The following TBC1D9 variants were observed in gnomAD, a reference collection of about 807,000 sequenced individuals.
TBC1D9 encodes TBC1 domain family member 9.
In TBC1D9, 63 loss-of-function variants were observed where a neutral mutation model predicts 132.0. The ratio of observed to expected loss-of-function variants is 0.48; its 90% CI spans 0.39 to 0.59. The LOEUF is 0.59. TBC1D9 is among the 20% of genes least tolerant of loss of function. The probability of loss-of-function intolerance (pLI) is 0.00; values close to 1 mark genes in which losing one functional copy is unlikely to be tolerated. For missense variants in TBC1D9, 1,261 were observed against 1,592.7 expected (o/e 0.79, Z 3.54); for synonymous variants, 610 against 609.9 (o/e 1.00, Z 0.00).
At chr4:140,744,993 GA>G (rs1455409071) in intron 1 of TBC1D9, among the ~76,000 whole-genome samples, 1 of 147,648 alleles carries the variant, frequency 6.8e-6, no homozygotes, top group Non-Finnish European at 1.5e-5. Flanking sequence ...CTTTTCTATT[GA>G]TTCCAGATCT....
At chr4:140,648,384 TG>T (rs978302045) in intron 13 of TBC1D9, among the ~76,000 whole-genome samples, 16 of 147,986 alleles carry the variant, frequency 1.1e-4, no homozygotes, top group South Asian at 4.2e-4. Context: ...GTTTTGTTGT[TG>T]TTTTTTTTTT....
chr4:140,751,402 T>C (rs988387233), intron 1 of TBC1D9, among the ~76,000 whole-genome samples: 1 of 152,312 alleles, frequency 6.6e-6, no homozygotes, highest in Admixed American at 6.5e-5. Flanking sequence ...ATACAATACC[T>C]AACCCCTACT....
At chr4:140,662,880 T>G (rs1018644756) in intron 9 of TBC1D9, among the ~76,000 whole-genome samples, 13 of 152,230 alleles carry the variant, frequency 8.5e-5, no homozygotes, top group Non-Finnish European at 1.5e-4. Context: ...ATGAACTCTT[T>G]TTTTATACCA....
intron 14 of TBC1D9, 33 bp downstream of exon 14, chr4:140,639,297 C>A (rs780645763): frequency 1.9e-6 from 3 of 1,549,188 alleles, no homozygotes; most frequent in South Asian, 2.3e-5. Context: ...AGGAAGATGA[C>A]AGAGGTTGCC....
At chr4:140,670,102 G>T (rs1261038684) in intron 7 of TBC1D9, among the ~76,000 whole-genome samples, 1 of 152,190 alleles carries the variant, frequency 6.6e-6, no homozygotes, top group Non-Finnish European at 1.5e-5. Flanking sequence ...TGTATGCAAA[G>T]CATGTCATGG....
intron 1 of TBC1D9, among the ~76,000 whole-genome samples, chr4:140,719,155 TAAATA>T (rs1168132961): frequency 2.8e-4 from 35 of 124,810 alleles, no homozygotes; most frequent in South Asian, 5.5e-4. Context: ...AATAAATAAA[TAAATA>T]AAAGAAAGTG....
At chr4:140,667,543 A>AT (rs1169841032) in intron 9 of TBC1D9, among the ~76,000 whole-genome samples, 1 of 152,230 alleles carries the variant, frequency 6.6e-6, no homozygotes, top group East Asian at 1.9e-4. Context: ...GGTTTGAATT[A>AT]TAATTAGAGA....
intron 1 of TBC1D9, among the ~76,000 whole-genome samples, chr4:140,717,966 A>C (rs1270361017): frequency 6.6e-6 from 1 of 152,120 alleles, no homozygotes; most frequent in Non-Finnish European, 1.5e-5. Context: ...AAACACTATC[A>C]TTTTCTAAGT....
intron 13 of TBC1D9, among the ~76,000 whole-genome samples, chr4:140,652,070 C>T (rs1406717006): frequency 1.3e-5 from 2 of 151,980 alleles, no homozygotes; most frequent in Non-Finnish European, 2.9e-5. Context: ...GAAACCCCAT[C>T]TCTACCAAAA....
intron 1 of TBC1D9, 78 bp from the exon 2 acceptor site, chr4:140,701,692 G>A (rs1427465249): frequency 2.8e-6 from 3 of 1,080,598 alleles, no homozygotes; most frequent in East Asian, 2.5e-5. Context: ...GCATGAACAT[G>A]CCCTTTCATG....
intron 5 of TBC1D9, 67 bp downstream of exon 5, chr4:140,678,875 C>T: frequency 1.9e-6 from 3 of 1,552,452 alleles, no homozygotes; most frequent in Non-Finnish European, 2.6e-6. Context: ...GAAGGTTACA[C>T]TGAATAAATG....
chr4:140,698,146 C>T (rs1738004499), intron 2 of TBC1D9, among the ~76,000 whole-genome samples: 1 of 152,122 alleles, frequency 6.6e-6, no homozygotes, highest in Admixed American at 6.6e-5. Flanking sequence ...TCCCAATCAA[C>T]TACGGCAGGC....
intron 3 of TBC1D9, among the ~76,000 whole-genome samples, chr4:140,683,387 A>C (rs1466787327): frequency 1.3e-5 from 2 of 152,138 alleles, no homozygotes; most frequent in African/African-American, 4.8e-5. Flanking sequence ...AGAATGTAGA[A>C]CCCTTTCTTA....
chr4:140,637,743 A>G (rs1736903593), intron 15 of TBC1D9, among the ~76,000 whole-genome samples: 1 of 152,128 alleles, frequency 6.6e-6, no homozygotes, highest in African/African-American at 2.4e-5. Flanking sequence ...CTGCACCCTC[A>G]AGTGCCGGAT....
intron 2 of TBC1D9, among the ~76,000 whole-genome samples, chr4:140,687,458 AC>A (rs1420922284): frequency 7.0e-6 from 1 of 143,102 alleles, no homozygotes; most frequent in Non-Finnish European, 1.5e-5. Flanking sequence ...CCATTGATTC[AC>A]CCTTCAGGAT....
intron 5 of TBC1D9, among the ~76,000 whole-genome samples, chr4:140,677,452 G>C (rs553972689): frequency 1.3e-5 from 2 of 151,994 alleles, no homozygotes; most frequent in African/African-American, 2.4e-5. Context: ...GCCACTTTAG[G>C]GGGGGCCTTA....
chr4:140,716,783 CG>C (rs763809832), intron 1 of TBC1D9, among the ~76,000 whole-genome samples: 1 of 151,840 alleles, frequency 6.6e-6, no homozygotes, highest in Non-Finnish European at 1.5e-5. Flanking sequence ...GAAGAACTTA[CG>C]TTTTTTTCAC....
intron 16 of TBC1D9, among the ~76,000 whole-genome samples, chr4:140,628,965 T>C (rs1228281059): frequency 2.0e-5 from 3 of 152,230 alleles, no homozygotes; most frequent in Non-Finnish European, 4.4e-5. Flanking sequence ...AAAGTCCATA[T>C]TTATTGCTAG....
At chr4:140,666,897 C>T (rs1283440151) in intron 9 of TBC1D9, among the ~76,000 whole-genome samples, 2 of 152,174 alleles carry the variant, frequency 1.3e-5, no homozygotes, top group African/African-American at 2.4e-5. Flanking sequence ...CTGGACTGGC[C>T]AAGGCCTTGT....
Sources: gnomAD v4.1 joint callset for allele counts (sites outside exome capture counted in the v4.1 genomes callset) on GRCh38, gnomAD v4.1.1 for gene constraint, MANE v1.5 for transcripts, NCBI Gene and HGNC (gene_info 2026-07-23, HGNC 2026-07-21) for gene names.